NAV3: variants seen among roughly 807,000 people sequenced by gnomAD.
The protein encoded by NAV3 is pore membrane and/or filament interacting like protein 1.
In NAV3, 87 loss-of-function variants were observed where a neutral mutation model predicts 244.7. The ratio of observed to expected loss-of-function variants is 0.36; its 90% CI spans 0.30 to 0.42. The LOEUF is 0.42. NAV3 is among the 20% of genes least tolerant of loss of function. The pLI is 1.00. For missense variants in NAV3, 2,663 were observed against 2,893.3 expected, an observed-to-expected ratio of 0.92 and a Z score of 1.83; for synonymous variants, 1,126 against 1,042.2, an observed-to-expected ratio of 1.08 and a Z score of -1.55.
chr12:77,803,224 C>A (rs1397510806), intron 2 of NAV3, among the ~76,000 whole-genome samples: 1 of 152,058 alleles, frequency 6.6e-6, no homozygotes, highest in Admixed American at 6.6e-5. Flanking sequence ...TTCTCCTACA[C>A]CCATCAACCC....
intron 2 of NAV3, among the ~76,000 whole-genome samples, chr12:77,691,162 A>C (rs1874993300): frequency 6.6e-6 from 1 of 150,712 alleles, no homozygotes; most frequent in Admixed American, 6.6e-5. Context: ...TTTCACAAAA[A>C]AACTAAGTAA....
chr12:78,119,536 T>C lies in NAV3; in HGVS notation c.3340T>C (p.Leu1114=), dbSNP rs760781089. ...GKSNAGRKTS[L]DGSQNQDDVV... is the part of the protein sequence containing the mutation. ...GTCAAATGCAGGGAGAAAAACCAGT[T>C]TGGACGGTTCACAGAATCAGGATGA... Residue 1114 remains leucine (L), a synonymous_variant, in exon 15 of 40, where the codon TTG becomes CTG. Transcript: ENST00000397909. The C allele has an allele frequency of 1.9e-6, 3 of 1,614,036 alleles. No homozygotes were observed. The highest frequency in any genetic ancestry group is 1.7e-5 in the Admixed American group (1 of 60,000).
upstream of NAV3, among the ~76,000 whole-genome samples, chr12:77,829,773 A>G (rs1873404374): frequency 6.6e-6 from 1 of 152,174 alleles, no homozygotes; most frequent in Non-Finnish European, 1.5e-5. Context: ...ACTTTTAGTT[A>G]TTGGCTCTTT....
rs184180438 is a variant in NAV3, at chr12:78,168,775, A to G, written c.4890A>G (p.Leu1630=). The part of the protein sequence containing the change: ...AEQKESELIE[L]RETIEMLKAQ... ...CACAGGAATCTGAACTTATAGAACT[A>G]AGAGAAACCATTGAAATGCTGAAGG... The change falls in exon 24 of 40, where the codon CTA becomes CTG. Residue 1630 remains leucine, a synonymous_variant. Coordinates refer to ENST00000397909, the MANE Select transcript of NAV3 (RefSeq NM_001024383.2). 2,783 of 1,609,660 alleles carry G rather than the reference A, an allele frequency of 1.7e-3. 4 individuals carry two copies. Among genetic ancestry groups the G allele is most frequent in the Non-Finnish European group, 2.0e-3 (2,408 of 1,177,238 alleles).
At chr12:77,597,841 C>T (rs1870239047) in intron 2 of NAV3, among the ~76,000 whole-genome samples, 1 of 152,102 alleles carries the variant, frequency 6.6e-6, no homozygotes, top group Admixed American at 6.6e-5. Context: ...TAGCAAGATA[C>T]TACTTTTCAG....
At chr12:77,686,493 G>T (rs974796668) in intron 2 of NAV3, among the ~76,000 whole-genome samples, 2 of 122,988 alleles carry the variant, frequency 1.6e-5, no homozygotes, top group African/African-American at 6.2e-5. Context: ...GTTTGGCTCT[G>T]TTTAAAAAAT....
chr12:78,100,295 G>A (rs1012393406), intron 12 of NAV3, among the ~76,000 whole-genome samples: 2 of 151,766 alleles, frequency 1.3e-5, no homozygotes, highest in African/African-American at 4.8e-5. Context: ...TGAAAATAAT[G>A]GTACTAAGTA....
chr12:77,756,083 C>T (rs1271702361), intron 2 of NAV3, among the ~76,000 whole-genome samples: 2 of 151,984 alleles, frequency 1.3e-5, no homozygotes, highest in Non-Finnish European at 2.9e-5. Context: ...ATTTTGTTCT[C>T]TTTAAAAAAT....
intron 2 of NAV3, among the ~76,000 whole-genome samples, chr12:77,784,969 A>G (rs2135926980): frequency 6.6e-6 from 1 of 152,252 alleles, no homozygotes; most frequent in Admixed American, 6.5e-5. Flanking sequence ...TAAGCAATAA[A>G]TTGGAAGGAT....
chr12:78,156,466 T>C (rs1162511969), intron 22 of NAV3, among the ~76,000 whole-genome samples: 1 of 152,066 alleles, frequency 6.6e-6, no homozygotes, highest in Non-Finnish European at 1.5e-5. Flanking sequence ...AAAATGTGAG[T>C]AATATAGTTT....
chr12:78,113,918 A>C (rs781529841), intron 12 of NAV3, among the ~76,000 whole-genome samples: 1 of 152,108 alleles, frequency 6.6e-6, no homozygotes, highest in African/African-American at 2.4e-5. Context: ...ATCTTTCTGG[A>C]TACATAAAAC....
At chr12:77,964,399 T>C (rs1892332860) in intron 3 of NAV3, among the ~76,000 whole-genome samples, 1 of 152,180 alleles carries the variant, frequency 6.6e-6, no homozygotes, top group African/African-American at 2.4e-5. Context: ...ACTTTAGGAC[T>C]GCTCTTGCAA....
chr12:77,651,594 T>A (rs533696698), intron 2 of NAV3, among the ~76,000 whole-genome samples: 2 of 152,286 alleles, frequency 1.3e-5, no homozygotes, highest in Admixed American at 1.3e-4. Flanking sequence ...ACCATGTTTG[T>A]GAGGCTGCTT....
At chr12:78,109,847 TG>T (rs1209087245) in intron 12 of NAV3, among the ~76,000 whole-genome samples, 1 of 151,980 alleles carries the variant, frequency 6.6e-6, no homozygotes, top group Non-Finnish European at 1.5e-5. Flanking sequence ...TCATACAGAA[TG>T]GGGCAAAGTT....
intron 12 of NAV3, chr12:78,091,715 G>T (rs1267579227): frequency 2.8e-5 from 4 of 145,250 alleles, no homozygotes; most frequent in African/African-American, 1.0e-4. Context: ...AGAATGGCGT[G>T]AACCCGGGAG....
At chr12:78,206,858 T>C (rs77090686) in intron 39 of NAV3, among the ~76,000 whole-genome samples, 4 of 35,880 alleles carry the variant, frequency 1.1e-4, no homozygotes, top group African/African-American at 5.6e-4. Context: ...TTCTTACTTT[T>C]TTTTTTTTTT....
intron 2 of NAV3, among the ~76,000 whole-genome samples, chr12:77,745,856 TA>T (rs1868510952): frequency 6.6e-6 from 1 of 151,878 alleles, no homozygotes; most frequent in Non-Finnish European, 1.5e-5. Context: ...ATAAATGGAA[TA>T]ACAGTGAACT....
chr12:78,025,646 A>G (rs1877927841), intron 9 of NAV3, among the ~76,000 whole-genome samples: 2 of 142,798 alleles, frequency 1.4e-5, no homozygotes. Context: ...CCAATGTTGT[A>G]GGTGGGGCCT....
chr12:78,026,398 T>TA (rs1878061259), intron 9 of NAV3, among the ~76,000 whole-genome samples: 1 of 152,216 alleles, frequency 6.6e-6, no homozygotes, highest in Non-Finnish European at 1.5e-5. Context: ...TTTTGATTAA[T>TA]AAGAATTTCA....
Sources: allele counts gnomAD v4.1 joint callset (sites outside exome capture counted in the v4.1 genomes callset), GRCh38; gene constraint gnomAD v4.1.1; transcripts MANE v1.5; gene names NCBI Gene and HGNC (gene_info 2026-07-23, HGNC 2026-07-21).